The following ZMYM1 variants were observed in gnomAD, a reference collection of about 807,000 sequenced individuals.
ZMYM1 encodes the protein zinc finger MYM-type containing 1.
In ZMYM1, 39 loss-of-function variants were observed where a neutral mutation model predicts 60.0. The ratio of observed to expected loss-of-function variants is 0.65; its 90% confidence interval spans 0.50 to 0.85. The LOEUF (loss-of-function observed/expected upper bound fraction) is 0.85. ZMYM1 is among the 40% of genes least tolerant of loss of function. ZMYM1 has a pLI of 0.00. For synonymous variants in ZMYM1, 413 were observed against 454.0 expected, an observed-to-expected ratio of 0.91 and a Z score of 1.15; for missense variants, 1,171 against 1,309.5, an observed-to-expected ratio of 0.89 and a Z score of 1.63.
At chr1:35,067,074 G>A (rs1011906365) in intron 1 of ZMYM1, among the ~76,000 whole-genome samples, 1 of 152,100 alleles carries the variant, frequency 6.6e-6, no homozygotes, top group Non-Finnish European at 1.5e-5. Flanking sequence ...TGCCTCCCGG[G>A]TTCAGGTGAT....
In ZMYM1 at chr1:35,097,348, T is replaced by G. The variant is rs755097551; in HGVS notation, c.201T>G (p.Ser67=). 67 of 1,611,000 alleles carry G rather than the reference T, an allele frequency of 4.2e-5. No homozygotes were observed. Among genetic ancestry groups the G allele is most frequent in the Non-Finnish European group, 5.7e-5 (67 of 1,178,568 alleles). ...ASQLTAGIQL[S]LASSGVNKML... is the part of the protein sequence containing the mutation. ...AGTTGACTGCAGGCATTCAGCTTTC[T>G]CTGGCATCATCTGGCGTGAATAAAA... Residue 67 remains serine, a synonymous_variant, in exon 4 of 10, where the codon TCT becomes TCG. Coordinates refer to ENST00000359858, the MANE Select transcript of ZMYM1 (RefSeq NM_024772.5).
chr1:35,075,008 C>A (rs1002015828), upstream of ZMYM1, among the ~76,000 whole-genome samples: 3 of 151,844 alleles, frequency 2.0e-5, no homozygotes, highest in African/African-American at 7.3e-5. Flanking sequence ...CTACAGGCGC[C>A]CGTCACTGCG....
At chr1:35,077,842 C>T (rs1216482937), upstream of ZMYM1, among the ~76,000 whole-genome samples, 1 of 152,228 alleles carries the variant, frequency 6.6e-6, no homozygotes, top group African/African-American at 2.4e-5. Flanking sequence ...ACAGCTGGCT[C>T]TGCGTGAATT....
At chr1:35,105,656 G>A (rs1643872082) in intron 6 of ZMYM1, among the ~76,000 whole-genome samples, 1 of 152,016 alleles carries the variant, frequency 6.6e-6, no homozygotes, top group Non-Finnish European at 1.5e-5. Context: ...CAGCCAGCTT[G>A]GAGTGCAGTG....
chr1:35,082,083 A>T (rs141992692), intron 1 of ZMYM1, among the ~76,000 whole-genome samples: 1 of 152,340 alleles, frequency 6.6e-6, no homozygotes, highest in Non-Finnish European at 1.5e-5. Flanking sequence ...CATGAATAAT[A>T]ACAATTTTAA....
At chr1:35,065,554 G>T (rs1289243975) in intron 1 of ZMYM1, among the ~76,000 whole-genome samples, 1 of 151,450 alleles carries the variant, frequency 6.6e-6, no homozygotes. Flanking sequence ...CAGGGTGGTT[G>T]GCCAAGAGTC....
intron 1 of ZMYM1, among the ~76,000 whole-genome samples, chr1:35,091,131 A>G (rs1383217035): frequency 1.3e-5 from 2 of 152,180 alleles, no homozygotes; most frequent in Non-Finnish European, 2.9e-5. Context: ...AAAAGAATAT[A>G]GTTTTACTGA....
At chr1:35,077,538 TA>T (rs1385367483), upstream of ZMYM1, among the ~76,000 whole-genome samples, 1 of 152,192 alleles carries the variant, frequency 6.6e-6, no homozygotes, top group Non-Finnish European at 1.5e-5. Flanking sequence ...TGACCCTCCC[TA>T]AACTGCTCCT....
chr1:35,073,173 T>C (rs1448285151), intron 1 of ZMYM1, among the ~76,000 whole-genome samples: 5 of 147,470 alleles, frequency 3.4e-5, no homozygotes, highest in African/African-American at 5.0e-5. Flanking sequence ...GGCATGAGAA[T>C]TGCTGGAGCC....
downstream of ZMYM1, among the ~76,000 whole-genome samples, chr1:35,118,372 G>GT (rs1478021786): frequency 6.6e-6 from 1 of 152,128 alleles, no homozygotes; most frequent in East Asian, 1.9e-4. Context: ...TCAACCATGT[G>GT]TTTTTTCATT....
At chr1:35,097,222 CCT>C (rs1266744204) in intron 3 of ZMYM1, 93 bp from the exon 4 acceptor site, 7 of 1,398,182 alleles carry the variant, frequency 5.0e-6, no homozygotes, top group Non-Finnish European at 6.8e-6. Flanking sequence ...AGAACAAGAC[CCT>C]GTCTCTAAAA....
rs371440505 is a variant in ZMYM1 at position 35,105,635 on chromosome 1, G to A, written c.807+866G>A. ...TTATTTATTTTGATTTTTTTGAGACGAGGTCTTTGTCAGCCAGCTTGGAGT... is the reference window on the plus strand; with the variant it reads ...TTATTTATTTTGATTTTTTTGAGACAAGGTCTTTGTCAGCCAGCTTGGAGT... On this transcript the variant is annotated intron_variant, in intron 6 of 9. Coordinates refer to ENST00000359858, the MANE Select transcript of ZMYM1 (RefSeq NM_024772.5). 5.9e-5 allele frequency among the ~76,000 whole-genome samples: 9 copies of A among 151,834 alleles called. No individual in the cohort carries two copies. The South Asian group carries it at 6.2e-4, about 11-fold the overall frequency.
intron 1 of ZMYM1, among the ~76,000 whole-genome samples, chr1:35,091,909 AG>A (rs1329725070): frequency 3.0e-4 from 45 of 147,592 alleles, no homozygotes; most frequent in African/African-American, 8.2e-4. Flanking sequence ...AAAAAAAAAA[AG>A]AGAAAAAGAC....
At chr1:35,108,900 G>A (rs1643990612) in intron 6 of ZMYM1, among the ~76,000 whole-genome samples, 1 of 151,734 alleles carries the variant, frequency 6.6e-6, no homozygotes, top group Non-Finnish European at 1.5e-5. Flanking sequence ...TTGTAGAGAT[G>A]GGTCTCACTT....
At position 35,099,522 on chromosome 1, in the gene ZMYM1, T is replaced by C. The variant is rs1026085286; in HGVS notation, c.419+1956T>C. 2.3e-4 allele frequency among the ~76,000 whole-genome samples: 35 copies of C among 152,266 alleles called. 1 individual carries two copies. The highest frequency in any genetic ancestry group is 7.9e-4 in the African/African-American group (33 of 41,554). Reference sequence around the variant, plus strand: ...AGTTTTACTTCCTCTAGAATAAAATTTTTTTATAAAAAATATTATATTGTA... The same window carrying C: ...AGTTTTACTTCCTCTAGAATAAAATCTTTTTATAAAAAATATTATATTGTA... On this transcript the variant is annotated intron_variant, in intron 4 of 9. Coordinates refer to ENST00000359858, the MANE Select transcript of ZMYM1 (RefSeq NM_024772.5).
Position 35,094,041 on chromosome 1 carries a change from G to A in ZMYM1, c.54G>A (p.Leu18=). ...GECDKAVASQ[L]GLLDEIKTEP... ...GTGACAAGGCAGTGGCATCACAGCT[G>A]GGGCTGCTAGATGAAATTAAGACAG... is the stretch of plus-strand genomic sequence containing the variant. The change falls in exon 2 of 10, where the codon CTG becomes CTA. Residue 18 remains leucine, a synonymous_variant. Coordinates refer to ENST00000359858, the MANE Select transcript of ZMYM1 (RefSeq NM_024772.5). The A allele has an allele frequency of 6.2e-7, 1 of 1,610,908 alleles. No homozygotes were observed. Among genetic ancestry groups the A allele is most frequent in the Non-Finnish European group, 8.5e-7 (1 of 1,178,276 alleles).
rs1393864638 is a variant in ZMYM1, at chr1:35,113,330, T to C, written c.1500T>C (p.Thr500=). The C allele has an allele frequency of 5.0e-6, 8 of 1,612,808 alleles. No homozygotes were observed. Among genetic ancestry groups the C allele is most frequent in the Middle Eastern group, 1.6e-4 (1 of 6,082 alleles). Residue 500 remains threonine (T), a synonymous_variant, in exon 10 of 10, where the codon ACT becomes ACC. Transcript: ENST00000359858. The part of the protein sequence containing the change: ...CGRESFATHG[T]SNWKKTLEKF... ...GAGAGTCATTTGCAACCCACGGAACTTCTAATTGGAAAAAAACCCTGGAAA... is the reference window on the plus strand; with the variant it reads ...GAGAGTCATTTGCAACCCACGGAACCTCTAATTGGAAAAAAACCCTGGAAA...
rs1643396822 is a variant in ZMYM1 at position 35,097,490 on chromosome 1, A to G, written c.343A>G (p.Ile115Val). Residue 115 changes from isoleucine (I) to valine (V), a missense_variant, in exon 4 of 10, where the codon ATA (isoleucine) becomes GTA (valine). Coordinates refer to ENST00000359858, the MANE Select transcript of ZMYM1 (RefSeq NM_024772.5). ...AGGATCTGCTCAACTTTTCTGCTCC[A>G]TACCATGCATCACTGAATACATTTC... ...RKGSAQLFCS[I>V]PCITEYISSA... 1 of 1,614,226 alleles carries G rather than the reference A, an allele frequency of 6.2e-7. No individual in the cohort carries two copies. Among genetic ancestry groups the G allele is most frequent in the Non-Finnish European group, 8.5e-7 (1 of 1,180,044 alleles).
In ZMYM1 at chr1:35,091,610, TC is replaced by T. The variant is rs1484537109; in HGVS notation, c.-74-2303del. 2.7e-4 allele frequency among the ~76,000 whole-genome samples: 41 copies of T among 151,846 alleles called. 1 individual carries two copies. Among genetic ancestry groups the T allele is most frequent in the Non-Finnish European group, 1.5e-5 (1 of 67,974 alleles). On this transcript the variant is annotated intron_variant, in intron 1 of 9. Coordinates refer to ENST00000359858, the MANE Select transcript of ZMYM1 (RefSeq NM_024772.5). ...GTGATAGTTGAATCTGAGGTTGTGATCATAGGCTGGGAGCAGATGGACACCT... is the reference window on the plus strand; with the variant it reads ...GTGATAGTTGAATCTGAGGTTGTGATATAGGCTGGGAGCAGATGGACACCT...
Sources: gnomAD v4.1 joint callset for allele counts (sites outside exome capture counted in the v4.1 genomes callset) on GRCh38, gnomAD v4.1.1 for gene constraint, MANE v1.5 for transcripts, NCBI Gene and HGNC (gene_info 2026-07-23, HGNC 2026-07-21) for gene names.